CTIF: variants seen among roughly 807,000 people sequenced by gnomAD.
CTIF encodes the protein CBP80/20-dependent translation initiation factor.
In CTIF, 21 loss-of-function variants were observed where a neutral mutation model predicts 66.0. The ratio of observed to expected loss-of-function variants is 0.32; its 90% CI spans 0.23 to 0.46. CTIF has a LOEUF of 0.46. CTIF is among the 20% of genes least tolerant of loss of function. The pLI is 1.00. For missense variants in CTIF, 739 were observed against 812.7 expected (o/e 0.91, Z 1.10); for synonymous variants, 345 against 326.4 (o/e 1.06, Z -0.62).
intron 1 of CTIF, among the ~76,000 whole-genome samples, chr18:48,588,353 A>C (rs901491907): frequency 3.3e-5 from 5 of 152,116 alleles, no homozygotes; most frequent in Admixed American, 2.0e-4. Context: ...CTCTCTTCCT[A>C]GACCCTCTGG....
intron 2 of CTIF, among the ~76,000 whole-genome samples, chr18:48,624,112 A>ATGCTTGACCCCACG (rs1568082267): frequency 2.3e-5 from 1 of 44,234 alleles, no homozygotes. Flanking sequence ...TTGACACCAC[A>ATGCTTGACCCCACG]CCCCTCCCCA....
intron 7 of CTIF, among the ~76,000 whole-genome samples, chr18:48,732,687 C>G (rs886105547): frequency 2.0e-5 from 3 of 152,218 alleles, no homozygotes; most frequent in Non-Finnish European, 2.9e-5. Context: ...TTACCCTCTT[C>G]AAGTTCCTTT....
intron 7 of CTIF, among the ~76,000 whole-genome samples, chr18:48,746,088 C>G (rs2092593986): frequency 6.6e-6 from 1 of 152,248 alleles, no homozygotes; most frequent in Non-Finnish European, 1.5e-5. Context: ...TGGCGGCGTT[C>G]TCCGCCAAGA....
At chr18:48,765,958 C>T (rs7507108) in intron 9 of CTIF, among the ~76,000 whole-genome samples, 5,808 of 145,550 alleles carry the variant, frequency 0.04, 132 homozygotes, top group Non-Finnish European at 0.054. Flanking sequence ...ATCATTTTTT[C>T]TTTTTTTTAT....
chr18:48,643,425 C>T (rs1443471798), intron 3 of CTIF, among the ~76,000 whole-genome samples: 1 of 152,208 alleles, frequency 6.6e-6, no homozygotes, highest in Non-Finnish European at 1.5e-5. Context: ...CAAGGCCTGT[C>T]TGTCTAGACT....
In CTIF at chr18:48,574,688, G is replaced by A. The variant is rs534565499; in HGVS notation, c.-29+35376G>A. 2.2e-4 allele frequency among the ~76,000 whole-genome samples: 33 copies of A among 152,338 alleles called. 1 individual carries two copies. Among genetic ancestry groups the A allele is most frequent in the Admixed American group, 1.7e-3 (26 of 15,302 alleles). ...AGAAAAGCAAAAGCTGCTAGACCCG[G>A]AGTCACTTGCGCTACGTTTCTGAGC... is the stretch of plus-strand genomic sequence containing the variant. On this transcript the variant is annotated intron_variant, in intron 1 of 11. Transcript: ENST00000256413.
In CTIF at chr18:48,698,798, G is replaced by A. The variant is rs1204417547; in HGVS notation, c.508-12821G>A. The stretch of plus-strand genomic sequence containing the variant: ...GTTTGGTTTGGTTTTGAGCACACTT[G>A]TTTCTGTTTGAATGACCTTGGTGTT... On this transcript the variant is annotated intron_variant, in intron 6 of 11. Transcript: ENST00000256413. Among the ~76,000 whole-genome samples the A allele has an allele frequency of 2.0e-5, 3 of 152,108 alleles. No individual in the cohort carries two copies. The East Asian group carries it at 5.8e-4, about 29-fold the overall frequency.
chr18:48,830,653 G>A (rs1599124713), intron 10 of CTIF, among the ~76,000 whole-genome samples: 3 of 152,152 alleles, frequency 2.0e-5, no homozygotes, highest in Non-Finnish European at 4.4e-5. Flanking sequence ...ATAAGGCTCA[G>A]GACCTTGGTT....
At chr18:48,834,157 G>A (rs959974052) in intron 10 of CTIF, among the ~76,000 whole-genome samples, 2 of 152,228 alleles carry the variant, frequency 1.3e-5, no homozygotes, top group East Asian at 3.9e-4. Flanking sequence ...AGGCAAAGCC[G>A]AGTTTAACCA....
chr18:48,708,974 TA>T (rs1382454999), intron 6 of CTIF, among the ~76,000 whole-genome samples: 1 of 152,012 alleles, frequency 6.6e-6, no homozygotes, highest in African/African-American at 2.4e-5. Flanking sequence ...ACAGGAAAGA[TA>T]ACGATGATGA....
chr18:48,842,798 C>T (rs1271995808), intron 10 of CTIF, among the ~76,000 whole-genome samples: 1 of 152,258 alleles, frequency 6.6e-6, no homozygotes, highest in East Asian at 1.9e-4. Flanking sequence ...CGGAAAATGC[C>T]TTTGCAGGCA....
chr18:48,589,793 G>A (rs1195148576), intron 1 of CTIF, among the ~76,000 whole-genome samples: 1 of 152,206 alleles, frequency 6.6e-6, no homozygotes, highest in Non-Finnish European at 1.5e-5. Context: ...GAGGACAGAG[G>A]TCACCTGGGC....
In CTIF at chr18:48,598,656, G is replaced by A. The variant is rs531700060; in HGVS notation, c.-28-20882G>A. Among the ~76,000 whole-genome samples, 4 of 152,320 alleles carry A rather than the reference G, an allele frequency of 2.6e-5. No homozygotes were observed. In the South Asian group the frequency reaches 6.2e-4, roughly 24 times the overall value. On this transcript the variant is annotated intron_variant, in intron 1 of 11. Transcript: ENST00000256413. ...TGAAACGGTGAAACGGCATGGTGGT[G>A]TGGGCGGGCAGGCTCCTGTACTTAC...
chr18:48,614,035 GT>G (rs1232734864), intron 1 of CTIF, among the ~76,000 whole-genome samples: 2 of 152,212 alleles, frequency 1.3e-5, no homozygotes, highest in South Asian at 2.1e-4. Context: ...TGTCTTTTGT[GT>G]TCTTCTACCT....
At chr18:48,823,792 C>T (rs919906535) in intron 10 of CTIF, among the ~76,000 whole-genome samples, 2 of 152,004 alleles carry the variant, frequency 1.3e-5, no homozygotes, top group Admixed American at 6.6e-5. Flanking sequence ...ATCTTCCAAT[C>T]AAAGATCAGG....
At chr18:48,702,282 C>A (rs1002843681) in intron 6 of CTIF, among the ~76,000 whole-genome samples, 1 of 152,212 alleles carries the variant, frequency 6.6e-6, no homozygotes, top group Non-Finnish European at 1.5e-5. Context: ...TCCAGCGACC[C>A]AGCCTCTGGA....
intron 9 of CTIF, among the ~76,000 whole-genome samples, chr18:48,790,246 T>C (rs2076255152): frequency 6.6e-6 from 1 of 152,196 alleles, no homozygotes; most frequent in African/African-American, 2.4e-5. Flanking sequence ...CACCTCCTTT[T>C]CTAAGACCCA....
chr18:48,769,303 C>T (rs1336873834), intron 9 of CTIF, among the ~76,000 whole-genome samples: 1 of 152,244 alleles, frequency 6.6e-6, no homozygotes, highest in Non-Finnish European at 1.5e-5. Flanking sequence ...ATCGAGCTCC[C>T]CTCCACTAGT....
intron 1 of CTIF, among the ~76,000 whole-genome samples, chr18:48,580,495 T>C (rs1413011128): frequency 6.6e-6 from 1 of 152,226 alleles, no homozygotes; most frequent in Non-Finnish European, 1.5e-5. Context: ...GTAACATCCT[T>C]GTCACCTTTG....
Sources: allele counts gnomAD v4.1 joint callset (sites outside exome capture counted in the v4.1 genomes callset), GRCh38; gene constraint gnomAD v4.1.1; transcripts MANE v1.5; gene names NCBI Gene and HGNC (gene_info 2026-07-23, HGNC 2026-07-21).